Variants in ACTL6A observed in about 807,000 individuals in gnomAD.
ACTL6A encodes actin-like protein 6A.
In ACTL6A, 5 loss-of-function variants were observed where a neutral mutation model predicts 59.2. The ratio of observed to expected loss-of-function variants is 0.08; its 90% CI spans 0.04 to 0.18. The LOEUF (loss-of-function observed/expected upper bound fraction) is 0.18. Ranked by LOEUF, ACTL6A falls within the 10% of genes least tolerant of loss-of-function variation. ACTL6A has a pLI of 1.00. For missense variants in ACTL6A, 285 were observed against 526.9 expected (o/e 0.54, Z 4.49); for synonymous variants, 154 against 171.8 (o/e 0.90, Z 0.81).
chr3:179,579,767 G>A (rs907740218), intron 8 of ACTL6A, among the ~76,000 whole-genome samples: 3 of 152,144 alleles, frequency 2.0e-5, no homozygotes, highest in South Asian at 2.1e-4. Flanking sequence ...CAGCCTGGAC[G>A]ACAAGAGCAA....
At chr3:179,583,983 C>T (rs1470934241) in intron 12 of ACTL6A, among the ~76,000 whole-genome samples, 1 of 152,178 alleles carries the variant, frequency 6.6e-6, no homozygotes, top group Non-Finnish European at 1.5e-5. Flanking sequence ...TAGTTGGCTT[C>T]TAGTCTTTAC....
At chr3:179,567,081 T>C (rs1036119101) in intron 1 of ACTL6A, among the ~76,000 whole-genome samples, 2 of 152,172 alleles carry the variant, frequency 1.3e-5, no homozygotes, top group Non-Finnish European at 2.9e-5. Flanking sequence ...AAGATTCTGG[T>C]TTCACCGGGC....
At chr3:179,565,395 ACT>A (rs1427702480) in intron 1 of ACTL6A, among the ~76,000 whole-genome samples, 1 of 150,452 alleles carries the variant, frequency 6.6e-6, no homozygotes. Context: ...ACAGAGCGAG[ACT>A]CTATCCTAAA....
rs773187060 is a variant in ACTL6A, at chr3:179,576,742, A to G, written c.678+16A>G. The G allele has an allele frequency of 4.3e-6, 7 of 1,610,574 alleles. No individual in the cohort carries two copies. Among genetic ancestry groups the G allele is most frequent in the South Asian group, 2.2e-5 (2 of 90,986 alleles). ...TGCATCAAAAGTAAGTAATTATTGA[A>G]TTTTCTTTGTAGAACTTACTTCTAG... On this transcript the variant is annotated intron_variant, in intron 7 of 13. Coordinates refer to ENST00000429709, the MANE Select transcript of ACTL6A (RefSeq NM_004301.5).
intron 11 of ACTL6A, 31 bp downstream of exon 11, chr3:179,581,251 G>A: frequency 3.2e-6 from 5 of 1,575,926 alleles, no homozygotes; most frequent in Non-Finnish European, 4.4e-6. Flanking sequence ...ACGGTTTAAA[G>A]GTATCTTTTA....
chr3:179,563,644 A>G (rs1717740986), intron 1 of ACTL6A, among the ~76,000 whole-genome samples: 1 of 152,210 alleles, frequency 6.6e-6, no homozygotes. Flanking sequence ...CACTTAGGGT[A>G]CTGCCTCCTC....
At chr3:179,576,995 T>C in intron 8 of ACTL6A, 82 bp downstream of exon 8, 1 of 1,064,096 alleles carries the variant, frequency 9.4e-7, no homozygotes, top group East Asian at 2.5e-5. Flanking sequence ...AGGCTGTAAA[T>C]CCTTGAGTAA....
chr3:179,571,454 C>G (rs1718006609), intron 3 of ACTL6A, among the ~76,000 whole-genome samples: 1 of 150,144 alleles, frequency 6.7e-6, no homozygotes, highest in African/African-American at 2.4e-5. Flanking sequence ...ACAAGCTTAT[C>G]AGGGATAGCC....
intron 4 of ACTL6A, 37 bp from the exon 5 acceptor site, chr3:179,574,333 C>A: frequency 7.4e-7 from 1 of 1,351,108 alleles, no homozygotes; most frequent in South Asian, 1.2e-5. Flanking sequence ...CTTTTTAATT[C>A]TTAATAACTT....
rs1276173635 is a variant in ACTL6A, at chr3:179,588,286, TTAGTG to T, written c.*279_*283del. 3 of 313,386 alleles carry T rather than the reference TTAGTG, an allele frequency of 9.6e-6. No individual in the cohort carries two copies. The highest frequency in any genetic ancestry group is 1.7e-5 in the Non-Finnish European group (3 of 174,304). The allele number at this position is 313,386 out of a possible 1,614,324, so 19.4% of individuals were successfully genotyped here. A position where few individuals can be genotyped will look rare whatever the true frequency, so the allele number is the denominator to read the frequency against. ...TCAGTAAAATGCTTTCCAACTCTGTTTAGTGTATTAATTACCAGTGGATTGGTAGA... is the reference window on the plus strand; with the variant it reads ...TCAGTAAAATGCTTTCCAACTCTGTTTATTAATTACCAGTGGATTGGTAGA... On this transcript the variant is annotated 3_prime_UTR_variant, in exon 14 of 14. Transcript: ENST00000429709.
chr3:179,583,389 A>G lies in ACTL6A; in HGVS notation c.1063A>G (p.Thr355Ala), dbSNP rs1718391898. The change falls in exon 12 of 14, where the codon ACA becomes GCA. Residue 355 changes from threonine to alanine, a missense_variant. Transcript: ENST00000429709. ...YGSVIVAGGN[T>A]LIQSFTDRLN... The stretch of plus-strand genomic sequence containing the variant: ...CAGTGTAATAGTGGCAGGAGGAAAC[A>G]CACTAATACAGAGTTTTACTGACAG... 6.2e-7 allele frequency: 1 copy of G among 1,613,298 alleles called. No individual in the cohort carries two copies. The highest frequency in any genetic ancestry group is 1.3e-5 in the African/African-American group (1 of 74,898).
chr3:179,572,622 T>C (rs1048963977), intron 3 of ACTL6A, among the ~76,000 whole-genome samples: 4 of 152,096 alleles, frequency 2.6e-5, no homozygotes, highest in African/African-American at 7.2e-5. Context: ...CTGGCCAACA[T>C]GGTGAAACCC....
chr3:179,587,214 AC>A (rs1227037414), intron 13 of ACTL6A, among the ~76,000 whole-genome samples: 1 of 151,904 alleles, frequency 6.6e-6, no homozygotes, highest in Non-Finnish European at 1.5e-5. Context: ...ATACATATAT[AC>A]TGTATATATA....
intron 3 of ACTL6A, among the ~76,000 whole-genome samples, chr3:179,571,254 T>C (rs1401250939): frequency 6.6e-6 from 1 of 151,964 alleles, no homozygotes; most frequent in Non-Finnish European, 1.5e-5. Flanking sequence ...AAACCCCATC[T>C]CTACTAAAAA....
intron 13 of ACTL6A, chr3:179,586,851 T>A (rs1421332441): frequency 2.0e-6 from 1 of 512,720 alleles, no homozygotes; most frequent in East Asian, 3.7e-5. Flanking sequence ...ATGTCCCCTC[T>A]CAAACAGAGG....
At chr3:179,573,507 G>GTTTTTTTTTTTTCTTTTTTTTTTTT in intron 4 of ACTL6A, 38 bp downstream of exon 4, 1 of 962,814 alleles carries the variant, frequency 1.0e-6, no homozygotes, top group Non-Finnish European at 1.4e-6. Flanking sequence ...TTCTCTAGTT[G>GTTTTTTTTTTTTCTTTTTTTTTTTT]TTTTTTTTTT....
intron 1 of ACTL6A, among the ~76,000 whole-genome samples, chr3:179,567,137 G>A (rs1463865750): frequency 6.6e-6 from 1 of 152,108 alleles, no homozygotes; most frequent in East Asian, 1.9e-4. Flanking sequence ...AGGGCAAGGC[G>A]AGTGGATCAC....
At position 179,576,652 on chromosome 3, in the gene ACTL6A, A is replaced by G. The variant is rs748595483; in HGVS notation, c.604A>G (p.Ile202Val). 1 of 1,613,710 alleles carries G rather than the reference A, an allele frequency of 6.2e-7. No individual in the cohort carries two copies. The highest frequency in any genetic ancestry group is 8.5e-7 in the Non-Finnish European group (1 of 1,179,790). The part of the protein sequence containing the change: ...IVKSPLAGDF[I>V]TMQCRELFQE... ...GAAATCCCCTCTTGCTGGAGACTTTATTACTATGCAGTGCAGAGAACTCTT... is the reference window on the plus strand; with the variant it reads ...GAAATCCCCTCTTGCTGGAGACTTTGTTACTATGCAGTGCAGAGAACTCTT... The change falls in exon 7 of 14, where the codon ATT becomes GTT. Residue 202 changes from isoleucine (I) to valine (V), a missense_variant. By Grantham distance (29) the Ile-to-Val change is conservative. Coordinates refer to ENST00000429709, the MANE Select transcript of ACTL6A (RefSeq NM_004301.5).
chr3:179,574,473 C>T lies in ACTL6A; in HGVS notation c.476+6C>T. The T allele has an allele frequency of 6.4e-7, 1 of 1,568,866 alleles. No homozygotes were observed. Among genetic ancestry groups the T allele is most frequent in the Non-Finnish European group, 8.8e-7 (1 of 1,139,136 alleles). ...AAAACTGCAGTTTTGACAGCGTATC[C>T]TTGAAAGAGTAATACCTTTCCTCTT... is the stretch of plus-strand genomic sequence containing the variant. On this transcript the variant is annotated splice_donor_region_variant and intron_variant, in intron 5 of 13. Transcript: ENST00000429709.
Sources: gnomAD v4.1 joint callset for allele counts (sites outside exome capture counted in the v4.1 genomes callset) on GRCh38, gnomAD v4.1.1 for gene constraint, MANE v1.5 for transcripts, NCBI Gene and HGNC (gene_info 2026-07-23, HGNC 2026-07-21) for gene names.